The following VSNL1 variants were observed in gnomAD, a reference collection of about 807,000 sequenced individuals.
The protein encoded by VSNL1 is visinin like 1.
Under a neutral mutation model 20.4 loss-of-function variants are expected in VSNL1, and 6 were observed. That is an observed-to-expected ratio of 0.29 (90% CI 0.16 to 0.58). The LOEUF is 0.58. Ranked by LOEUF, VSNL1 falls within the 20% of genes least tolerant of loss-of-function variation. The pLI, the probability that VSNL1 is intolerant of heterozygous loss-of-function variation, is 0.90. For synonymous variants in VSNL1, 93 were observed against 86.4 expected, an observed-to-expected ratio of 1.08 and a Z score of -0.42; for missense variants, 100 against 234.5, an observed-to-expected ratio of 0.43 and a Z score of 3.75.
intron 2 of VSNL1, among the ~76,000 whole-genome samples, chr2:17,594,202 A>T (rs1186990113): frequency 6.6e-6 from 1 of 152,224 alleles, no homozygotes; most frequent in East Asian, 1.9e-4. Context: ...TATGCACCAA[A>T]ATCATCTCCC....
At chr2:17,583,438 A>T (rs1664397481) in intron 1 of VSNL1, among the ~76,000 whole-genome samples, 1 of 152,234 alleles carries the variant, frequency 6.6e-6, no homozygotes, top group African/African-American at 2.4e-5. Flanking sequence ...TTCCTCTGTT[A>T]CCTCACAGAA....
chr2:17,610,866 G>A (rs963837128), intron 2 of VSNL1, among the ~76,000 whole-genome samples: 3 of 152,176 alleles, frequency 2.0e-5, no homozygotes, highest in African/African-American at 7.2e-5. Context: ...TGATCCAGTA[G>A]TGCCAGGGTT....
intron 2 of VSNL1, among the ~76,000 whole-genome samples, chr2:17,595,153 T>G (rs1327168472): frequency 6.6e-6 from 1 of 152,204 alleles, no homozygotes; most frequent in African/African-American, 2.4e-5. Context: ...TCTTTAGTCA[T>G]GAAGACACAG....
At chr2:17,636,967 A>T (rs1665765132) in intron 2 of VSNL1, among the ~76,000 whole-genome samples, 1 of 152,238 alleles carries the variant, frequency 6.6e-6, no homozygotes, top group Non-Finnish European at 1.5e-5. Context: ...CCTGATTTAC[A>T]GGCAGAGAAA....
At chr2:17,636,926 A>G (rs559712501) in intron 2 of VSNL1, among the ~76,000 whole-genome samples, 1 of 152,332 alleles carries the variant, frequency 6.6e-6, no homozygotes, top group African/African-American at 2.4e-5. Context: ...CAGACCTGGA[A>G]CAAGTACCCT....
chr2:17,600,314 G>A (rs1664797042), intron 2 of VSNL1, among the ~76,000 whole-genome samples: 2 of 152,202 alleles, frequency 1.3e-5, no homozygotes, highest in South Asian at 4.1e-4. Context: ...TGTTGAGATA[G>A]GAGGGTGGTG....
chr2:17,610,604 C>T (rs1665061366), intron 2 of VSNL1, among the ~76,000 whole-genome samples: 1 of 152,176 alleles, frequency 6.6e-6, no homozygotes, highest in South Asian at 2.1e-4. Context: ...TTCTCAGCCA[C>T]TCTAAAAATA....
intron 1 of VSNL1, among the ~76,000 whole-genome samples, chr2:17,564,046 TA>T (rs1470095005): frequency 6.6e-6 from 1 of 152,152 alleles, no homozygotes. Context: ...GGATTTCAGT[TA>T]GGTTTAGGAA....
intron 2 of VSNL1, among the ~76,000 whole-genome samples, chr2:17,629,377 C>T (rs1327794950): frequency 6.6e-6 from 1 of 152,172 alleles, no homozygotes; most frequent in African/African-American, 2.4e-5. Context: ...AGCAACTATC[C>T]TAGGAGGTGC....
At chr2:17,549,219 C>A (rs1172502218) in intron 1 of VSNL1, among the ~76,000 whole-genome samples, 2 of 152,098 alleles carry the variant, frequency 1.3e-5, no homozygotes, top group East Asian at 3.9e-4. Flanking sequence ...AAGAGGGAGG[C>A]CATACACACA....
At chr2:17,552,327 G>A (rs1371933664) in intron 1 of VSNL1, among the ~76,000 whole-genome samples, 1 of 152,114 alleles carries the variant, frequency 6.6e-6, no homozygotes, top group Non-Finnish European at 1.5e-5. Flanking sequence ...TTATGACTGA[G>A]AAATTGTGTC....
At chr2:17,558,591 C>G (rs2103345692) in intron 1 of VSNL1, among the ~76,000 whole-genome samples, 1 of 152,294 alleles carries the variant, frequency 6.6e-6, no homozygotes, top group East Asian at 1.9e-4. Context: ...TGCCCACAGT[C>G]ACATAGCCAA....
chr2:17,650,147 A>G (rs1490149155), intron 3 of VSNL1, among the ~76,000 whole-genome samples: 1 of 151,972 alleles, frequency 6.6e-6, no homozygotes, highest in Non-Finnish European at 1.5e-5. Context: ...GCCCGGTTCC[A>G]CTTCAGGGCC....
chr2:17,551,122 T>A (rs1044950297), intron 1 of VSNL1, among the ~76,000 whole-genome samples: 7 of 152,170 alleles, frequency 4.6e-5, no homozygotes, highest in Non-Finnish European at 8.8e-5. Context: ...CACCCCAGGA[T>A]AATGGCAAAG....
rs75543531 is a variant in VSNL1, at chr2:17,586,917, C to T, written c.-5-5153C>T. ...GAAGTCTAAGCATGAGAAGGCCAGTCTCTACAAAGGCAATTGTTTCAGGAT... is the reference window on the plus strand; with the variant it reads ...GAAGTCTAAGCATGAGAAGGCCAGTTTCTACAAAGGCAATTGTTTCAGGAT... On this transcript the variant is annotated intron_variant, in intron 1 of 3. Coordinates refer to ENST00000295156, the MANE Select transcript of VSNL1 (RefSeq NM_003385.5). 1.6e-3 allele frequency among the ~76,000 whole-genome samples: 240 copies of T among 152,248 alleles called. 1 individual carries two copies. Among genetic ancestry groups the T allele is most frequent in the African/African-American group, 5.6e-3 (234 of 41,548 alleles).
At chr2:17,575,429 T>G (rs753833645) in intron 1 of VSNL1, among the ~76,000 whole-genome samples, 3 of 152,258 alleles carry the variant, frequency 2.0e-5, no homozygotes, top group Non-Finnish European at 1.5e-5. Flanking sequence ...TTTTTCTAAG[T>G]GTAGTTCGAC....
chr2:17,554,965 C>T (rs552676176), intron 1 of VSNL1, among the ~76,000 whole-genome samples: 14 of 152,208 alleles, frequency 9.2e-5, no homozygotes, highest in Admixed American at 7.9e-4. Context: ...TACACTCCAT[C>T]GTATATATGA....
rs1336313047 is a variant in VSNL1, at chr2:17,634,568, A to G, written c.163-14842A>G. ...CTGCGATGTGTTTGTTGTACAAATGAGGCTGAGGCAAAGCTTAGCTGTGCC... is the reference window on the plus strand; with the variant it reads ...CTGCGATGTGTTTGTTGTACAAATGGGGCTGAGGCAAAGCTTAGCTGTGCC... On this transcript the variant is annotated intron_variant, in intron 2 of 3. Coordinates refer to ENST00000295156, the MANE Select transcript of VSNL1 (RefSeq NM_003385.5). This position sits in a 1 kb window ranked among gnomAD's most constrained non-coding sequence, Gnocchi z 4.3. Among the ~76,000 whole-genome samples the G allele has an allele frequency of 1.3e-5, 2 of 152,208 alleles. No homozygotes were observed. The highest frequency in any genetic ancestry group is 2.4e-5 in the African/African-American group (1 of 41,468).
At chr2:17,638,503 C>T (rs183066585) in intron 2 of VSNL1, among the ~76,000 whole-genome samples, 1 of 152,284 alleles carries the variant, frequency 6.6e-6, no homozygotes, top group Non-Finnish European at 1.5e-5. Flanking sequence ...GGTTGAATCC[C>T]TCTCCCAGCA....
Sources: gnomAD v4.1 joint callset for allele counts (sites outside exome capture counted in the v4.1 genomes callset) on GRCh38, gnomAD v4.1.1 for gene constraint, Gnocchi (gnomAD v3.1) non-coding constraint, MANE v1.5 for transcripts, NCBI Gene and HGNC (gene_info 2026-07-23, HGNC 2026-07-21) for gene names.